The following TMC8 variants were observed in gnomAD, a reference collection of about 807,000 sequenced individuals.
TMC8 encodes the protein transmembrane channel like 8.
Under a neutral mutation model 76.0 loss-of-function variants are expected in TMC8, and 71 were observed. The ratio of observed to expected loss-of-function variants is 0.93; its 90% CI spans 0.77 to 1.14. The LOEUF (loss-of-function observed/expected upper bound fraction) is 1.14, where lower values mean the gene tolerates loss of function less well. TMC8 is among the 50% of genes most tolerant of loss of function. The pLI is 0.00. For synonymous variants in TMC8, 433 were observed against 433.8 expected (o/e 1.00, Z 0.02); for missense variants, 924 against 947.9 (o/e 0.97, Z 0.33).
chr17:78,134,746 A>G lies in TMC8; in HGVS notation c.988-124A>G, dbSNP rs1598912048. On this transcript the variant is annotated intron_variant, in intron 8 of 15. Transcript: ENST00000318430. The stretch of plus-strand genomic sequence containing the variant: ...CGCCAACTGCCAGGCTGCTGCAGGG[A>G]ATAGCTTACAGGCGACCCTATTCTG... The G allele has an allele frequency of 5.2e-6, 8 of 1,551,402 alleles. No individual in the cohort carries two copies. In the East Asian group the frequency reaches 1.8e-4, roughly 35 times the overall value.
Position 78,141,195 on chromosome 17 carries a change from C to A in TMC8, c.*83C>A. ...TCTTCCAGACCCCTGGCGACCACCG[C>A]CCCTCTCAGTGGCTCCAGGGCCTCC... On this transcript the variant is annotated 3_prime_UTR_variant, in exon 16 of 16. Coordinates refer to ENST00000318430, the MANE Select transcript of TMC8 (RefSeq NM_152468.5). 1.1e-6 allele frequency: 1 copy of A among 934,718 alleles called. No homozygotes were observed. The highest frequency in any genetic ancestry group is 1.5e-6 in the Non-Finnish European group (1 of 655,358). 57.9% of individuals were successfully genotyped at this position (934,718 alleles called of 1,614,324 possible).
At chr17:78,133,761 A>G (rs959574560) in intron 6 of TMC8, 92 bp from the exon 7 acceptor site, 19 of 1,587,568 alleles carry the variant, frequency 1.2e-5, no homozygotes, top group Non-Finnish European at 1.6e-5. Context: ...CTGGGGCTGC[A>G]GGGGCCTTCC....
rs956053445 is a variant in TMC8, at chr17:78,131,328, G to A, written c.-261G>A. The A allele has an allele frequency of 2.6e-5, 15 of 579,244 alleles. No individual in the cohort carries two copies. Among genetic ancestry groups the A allele is most frequent in the South Asian group, 1.8e-4 (9 of 50,460 alleles). 35.9% of individuals were successfully genotyped at this position (579,244 alleles called of 1,614,324 possible). On this transcript the variant is annotated 5_prime_UTR_variant, in exon 2 of 16. Coordinates refer to ENST00000318430, the MANE Select transcript of TMC8 (RefSeq NM_152468.5). ...TGTGTGTCCCTCTGAGAGTTGGAGC[G>A]GGGCTGGGCCCGAATTCGACCGCAG...
Position 78,140,987 on chromosome 17 carries a change from C to A in TMC8, c.2056C>A (p.His686Asn). Residue 686 changes from histidine to asparagine, a missense_variant, in exon 16 of 16, where the codon CAC becomes AAC. By Grantham distance (68) the His-to-Asn change is moderately conservative (BLOSUM62 1). Coordinates refer to ENST00000318430, the MANE Select transcript of TMC8 (RefSeq NM_152468.5). ...ATGCCCATGCCCTGGCTCCCCGGGC[C>A]ACCAGGCCCCGCGGCCGGGCCCCTC... ...PGCPCPGSPG[H>N]QAPRPGPSVV... The A allele has an allele frequency of 6.3e-7, 1 of 1,592,586 alleles. No homozygotes were observed. The highest frequency in any genetic ancestry group is 8.5e-7 in the Non-Finnish European group (1 of 1,170,490).
chr17:78,139,907 G>A (rs2075332167), intron 15 of TMC8, among the ~76,000 whole-genome samples: 2 of 152,200 alleles, frequency 1.3e-5, no homozygotes, highest in Admixed American at 6.5e-5. Context: ...GATGGTGGGC[G>A]CCTGTAATCC....
Position 78,141,000 on chromosome 17 carries a change from G to A in TMC8, c.2069G>A (p.Arg690Gln). 2.5e-6 allele frequency: 4 copies of A among 1,593,966 alleles called. No individual in the cohort carries two copies. Among genetic ancestry groups the A allele is most frequent in the Middle Eastern group, 1.7e-4 (1 of 5,840 alleles). Residue 690 changes from arginine to glutamine, a missense_variant, in exon 16 of 16, where the codon CGG (arginine) becomes CAG (glutamine). Arg to Gln is a conservative substitution (Grantham distance 43). Coordinates refer to ENST00000318430, the MANE Select transcript of TMC8 (RefSeq NM_152468.5). ...CPGSPGHQAPRPGPSVVDAAG... is the reference protein window; with the variant it reads ...CPGSPGHQAPQPGPSVVDAAG... ...GGCTCCCCGGGCCACCAGGCCCCGC[G>A]GCCGGGCCCCTCCGTCGTGGATGCC...
intron 14 of TMC8, 156 bp downstream of exon 14, chr17:78,138,888 C>T: frequency 1.3e-6 from 2 of 1,537,366 alleles, no homozygotes; most frequent in Non-Finnish European, 1.7e-6. Flanking sequence ...CCTGGGCCCA[C>T]CCTCTGGGCT....
In TMC8 at chr17:78,136,611, T is replaced by C. The variant is rs8068430; in HGVS notation, c.1128-624T>C. ...GCAAGCTTGTGTCAGTGGGCTTCAA[T>C]GTCCATAGGCGGCGGAGGAAAGGAG... On this transcript the variant is annotated intron_variant, in intron 9 of 15. Coordinates refer to ENST00000318430, the MANE Select transcript of TMC8 (RefSeq NM_152468.5). 0.18 allele frequency: 31,773 copies of C among 172,348 alleles called. 3,133 individuals are homozygous for C. Among genetic ancestry groups the C allele is most frequent in the Middle Eastern group, 0.32 (109 of 336 alleles). 10.7% of individuals were successfully genotyped at this position (172,348 alleles called of 1,614,324 possible).
At position 78,137,375 on chromosome 17, in the gene TMC8, C is replaced by T. The variant is rs201663959; in HGVS notation, c.1251+17C>T. 1.5e-5 allele frequency: 24 copies of T among 1,613,598 alleles called. No individual in the cohort carries two copies. In the Admixed American group the frequency reaches 2.0e-4, roughly 13 times the overall value. ...GACTATCAGGTGGCTGGCAGCCCGG[C>T]GGGGCCTGTCCCTCCCTTCCTTCTC... On this transcript the variant is annotated intron_variant, in intron 10 of 15. Coordinates refer to ENST00000318430, the MANE Select transcript of TMC8 (RefSeq NM_152468.5).
At chr17:78,134,254 T>C (rs552390584) in intron 7 of TMC8, 140 bp from the exon 8 acceptor site, 6 of 1,144,450 alleles carry the variant, frequency 5.2e-6, no homozygotes, top group South Asian at 2.6e-5. Flanking sequence ...TGAGTGTCTA[T>C]GGGAGCATGA....
Position 78,132,099 on chromosome 17 carries a change from A to G in TMC8, c.298+69A>G, listed in dbSNP as rs1239074798. The G allele has an allele frequency of 4.6e-6, 7 of 1,531,746 alleles. No individual in the cohort carries two copies. In the East Asian group the frequency reaches 1.7e-4, roughly 37 times the overall value. The allele number at this position is 1,531,746 out of a possible 1,614,324, so 94.9% of individuals were successfully genotyped here. A position where few individuals can be genotyped will look rare whatever the true frequency, so the allele number is the denominator to read the frequency against. On this transcript the variant is annotated intron_variant, in intron 3 of 15. Transcript: ENST00000318430. ...CCCCACTGCCCAGATCGGAAAAAGG[A>G]GAGTGGCATCATCCCACCTGCCTTC...
rs2075385834 is a variant in TMC8, at chr17:78,142,299, A to C, written c.*1187A>C. 1 of 152,272 alleles carries C rather than the reference A, an allele frequency of 6.6e-6. No individual in the cohort carries two copies. Among genetic ancestry groups the C allele is most frequent in the Admixed American group, 6.5e-5 (1 of 15,286 alleles). The allele number at this position is 152,272 out of a possible 1,614,324, so 9.4% of individuals were successfully genotyped here. ...CGAAGCTCCCAGGTGACTCACCGGC[A>C]GCTGGGGATGAGAACTGTCAGGAGG... is the stretch of plus-strand genomic sequence containing the variant. On this transcript the variant is annotated 3_prime_UTR_variant, in exon 16 of 16. Transcript: ENST00000318430.
rs1352607297 is a variant in TMC8, at chr17:78,142,098, G to A, written c.*986G>A. 3 of 152,486 alleles carry A rather than the reference G, an allele frequency of 2.0e-5. No homozygotes were observed. The East Asian group carries it at 5.8e-4, about 29-fold the overall frequency. 9.4% of individuals were successfully genotyped at this position (152,486 alleles called of 1,614,324 possible). A position where few individuals can be genotyped will look rare whatever the true frequency, so the allele number is the denominator to read the frequency against. On this transcript the variant is annotated 3_prime_UTR_variant, in exon 16 of 16. Transcript: ENST00000318430. ...GTCTGATATTCTTGAGCCTGTTCGA[G>A]TTTCCTTTTCCAAGCCTCCTGTTCT...
chr17:78,135,604 C>T (rs1300978596), intron 9 of TMC8, among the ~76,000 whole-genome samples: 3 of 152,146 alleles, frequency 2.0e-5, no homozygotes, highest in Non-Finnish European at 2.9e-5. Context: ...GTCTAGACCC[C>T]CTACTTCTCC....
rs1406527741 is a variant in TMC8 at position 78,138,604 on chromosome 17, C to T, written c.1695C>T (p.Phe565=). The T allele has an allele frequency of 5.6e-6, 9 of 1,613,856 alleles. No individual in the cohort carries two copies. Among genetic ancestry groups the T allele is most frequent in the Non-Finnish European group, 7.6e-6 (9 of 1,180,038 alleles). The part of the protein sequence containing the change: ...SIHSSWDCGL[F]TNYSAPWQVV... ...ACTCCTCCTGGGACTGCGGCCTCTT[C>T]ACCAACTACTCAGCACCCTGGCAAG... Residue 565 remains phenylalanine, a synonymous_variant, in exon 14 of 16, where the codon TTC becomes TTT. Transcript: ENST00000318430.
chr17:78,137,976 T>C, intron 11 of TMC8, 29 bp from the exon 12 acceptor site: 1 of 1,612,924 alleles, frequency 6.2e-7, no homozygotes, highest in Non-Finnish European at 8.5e-7. Flanking sequence ...TCTGGAGTGG[T>C]GAGTACCTGG....
At chr17:78,132,111 T>A in intron 3 of TMC8, 81 bp downstream of exon 3, 1 of 1,526,464 alleles carries the variant, frequency 6.6e-7, no homozygotes, top group Non-Finnish European at 8.8e-7. Flanking sequence ...AGTGGCATCA[T>A]CCCACCTGCC....
chr17:78,134,133 G>A (rs986556761), intron 7 of TMC8, 133 bp downstream of exon 7: 2 of 1,365,218 alleles, frequency 1.5e-6, no homozygotes, highest in African/African-American at 2.8e-5. Context: ...GTGGGAGGGA[G>A]CCTGTGGGAG....
At position 78,131,634 on chromosome 17, in the gene TMC8, C is replaced by G; in HGVS notation, c.46C>G (p.Pro16Ala). Residue 16 changes from proline to alanine, a missense_variant, in exon 2 of 16, where the codon CCG (proline) becomes GCG (alanine). Coordinates refer to ENST00000318430, the MANE Select transcript of TMC8 (RefSeq NM_152468.5). ...SVSSERAPGV[P>A]EPEELWEAEM... ...GTCATCGGAGCGGGCCCCTGGGGTG[C>G]CGGAGCCGGAGGAGCTGTGGGAGGC... The G allele has an allele frequency of 6.4e-7, 1 of 1,554,580 alleles. No homozygotes were observed. The highest frequency in any genetic ancestry group is 8.7e-7 in the Non-Finnish European group (1 of 1,150,356).
Sources: allele counts gnomAD v4.1 joint callset (sites outside exome capture counted in the v4.1 genomes callset), GRCh38; gene constraint gnomAD v4.1.1; transcripts MANE v1.5; gene names NCBI Gene and HGNC (gene_info 2026-07-23, HGNC 2026-07-21).